The following DNAH14 variants were observed in gnomAD, a reference collection of about 807,000 sequenced individuals.
DNAH14 encodes dynein axonemal heavy chain 14.
Under a neutral mutation model 520.9 loss-of-function variants are expected in DNAH14, and 478 were observed. That is an observed-to-expected ratio of 0.92 (90% CI 0.85 to 0.99). The LOEUF is 0.99. Ranked by LOEUF, DNAH14 falls within the 50% of genes least tolerant of loss-of-function variation. The probability of loss-of-function intolerance (pLI) is 0.00; values close to 1 mark genes in which losing one functional copy is unlikely to be tolerated. For missense variants in DNAH14, 4,831 were observed against 5,234.5 expected (o/e 0.92, Z 2.38); for synonymous variants, 1,581 against 1,757.2 (o/e 0.90, Z 2.51).
intron 1 of DNAH14, among the ~76,000 whole-genome samples, chr1:224,947,217 C>T (rs1300813208): frequency 6.6e-6 from 1 of 152,120 alleles, no homozygotes; most frequent in African/African-American, 2.4e-5. Flanking sequence ...CGCACCCAAC[C>T]TCATCTACAT....
At chr1:225,209,634 G>A (rs74147164) in intron 41 of DNAH14, among the ~76,000 whole-genome samples, 2,792 of 152,228 alleles carry the variant, frequency 0.018, 96 homozygotes, top group African/African-American at 0.063. Flanking sequence ...GAAGATGAAC[G>A]CAAGATTTGT....
intron 27 of DNAH14, among the ~76,000 whole-genome samples, chr1:225,124,883 A>G (rs1165757146): frequency 2.6e-5 from 4 of 152,192 alleles, no homozygotes; most frequent in African/African-American, 9.6e-5. Flanking sequence ...CTTAAATAAT[A>G]AGCCTTGAAA....
intron 31 of DNAH14, 86 bp from the exon 32 acceptor site, chr1:225,151,919 A>G (rs2080537851): frequency 8.9e-7 from 1 of 1,119,582 alleles, no homozygotes; most frequent in East Asian, 2.6e-5. Context: ...CACAGCCTTA[A>G]TAAAGCTTCC....
intron 69 of DNAH14, among the ~76,000 whole-genome samples, chr1:225,343,065 T>C (rs1245569413): frequency 6.6e-6 from 1 of 152,200 alleles, no homozygotes; most frequent in Admixed American, 6.5e-5. Context: ...GTTCCCACAT[T>C]GTAGTTACAA....
intron 17 of DNAH14, among the ~76,000 whole-genome samples, chr1:225,073,285 G>A (rs534185108): frequency 7.2e-5 from 11 of 151,938 alleles, no homozygotes; most frequent in African/African-American, 1.2e-4. Context: ...TCTAAAGCCC[G>A]AAGGCTGGTA....
chr1:225,318,976 A>T (rs897015263), intron 61 of DNAH14, among the ~76,000 whole-genome samples: 1 of 152,208 alleles, frequency 6.6e-6, no homozygotes, highest in Non-Finnish European at 1.5e-5. Flanking sequence ...ACTGAATCTC[A>T]GTCTCTTTGA....
chr1:224,935,179 A>G (rs1258112700), intron 1 of DNAH14, among the ~76,000 whole-genome samples: 2 of 151,998 alleles, frequency 1.3e-5, no homozygotes, highest in Admixed American at 1.3e-4. Flanking sequence ...AAATAAAGGA[A>G]CAAAGAATAT....
chr1:225,014,691 ATGTG>A (rs1170406201), intron 10 of DNAH14, among the ~76,000 whole-genome samples: 2 of 152,180 alleles, frequency 1.3e-5, no homozygotes, highest in Non-Finnish European at 2.9e-5. Context: ...AATTTCTGAA[ATGTG>A]TTGAGACTTG....
intron 69 of DNAH14, among the ~76,000 whole-genome samples, chr1:225,344,700 T>TTTACTTAC (rs141871038): frequency 1.5e-4 from 11 of 74,994 alleles, no homozygotes; most frequent in African/African-American, 4.6e-4. Flanking sequence ...CTTTTATTTA[T>TTTACTTAC]TTATTTATTT....
chr1:225,207,150 C>A lies in DNAH14; in HGVS notation c.6369C>A (p.Val2123=), dbSNP rs754189531. 1.3e-6 allele frequency: 2 copies of A among 1,547,892 alleles called. No homozygotes were observed. Among genetic ancestry groups the A allele is most frequent in the African/African-American group, 1.4e-5 (1 of 73,004 alleles). ...FQPYPMEDIT[V]VITLCRILDA... ...CATATCCTATGGAGGACATAACAGTCGTCATAACCCTCTGCAGAATTCTTG... is the reference window on the plus strand; with the variant it reads ...CATATCCTATGGAGGACATAACAGTAGTCATAACCCTCTGCAGAATTCTTG... Residue 2123 remains valine, a synonymous_variant, in exon 41 of 86, where the codon GTC becomes GTA. Coordinates refer to ENST00000682510, the MANE Select transcript of DNAH14 (RefSeq NM_001367479.1).
At chr1:225,275,431 G>GTCT in intron 52 of DNAH14, among the ~76,000 whole-genome samples, 1 of 152,190 alleles carries the variant, frequency 6.6e-6, no homozygotes, top group Non-Finnish European at 1.5e-5. Flanking sequence ...GAGGGAGATG[G>GTCT]TCAGACTTCA....
At chr1:225,303,423 A>G in intron 57 of DNAH14, 76 bp downstream of exon 57, 1 of 1,305,620 alleles carries the variant, frequency 7.7e-7, no homozygotes, top group Non-Finnish European at 1.0e-6. Context: ...AGAGCAACAA[A>G]CCCTAGATGG....
intron 19 of DNAH14, among the ~76,000 whole-genome samples, chr1:225,081,678 A>T (rs527459394): frequency 1.6e-4 from 24 of 152,292 alleles, no homozygotes; most frequent in Non-Finnish European, 2.8e-4. Context: ...CCCCATATAT[A>T]CAAATTGGTT....
chr1:225,369,532 A>G (rs1371115813), intron 77 of DNAH14, among the ~76,000 whole-genome samples: 2 of 152,042 alleles, frequency 1.3e-5, no homozygotes, highest in African/African-American at 2.4e-5. Flanking sequence ...ATACATGTAC[A>G]TATATATGTA....
At chr1:224,934,817 C>A (rs542023054) in intron 1 of DNAH14, among the ~76,000 whole-genome samples, 2 of 151,892 alleles carry the variant, frequency 1.3e-5, no homozygotes, top group East Asian at 3.9e-4. Flanking sequence ...CCCCATTAGA[C>A]TACTATAGAT....
chr1:225,095,690 C>T lies in DNAH14; in HGVS notation c.3574-1428C>T, dbSNP rs553991448. ...TGAACTATTGATATATGTAACAATA[C>T]GGATCAATCTCAAAATAATTATGCT... On this transcript the variant is annotated intron_variant, in intron 21 of 85. Coordinates refer to ENST00000682510, the MANE Select transcript of DNAH14 (RefSeq NM_001367479.1). Among the ~76,000 whole-genome samples the T allele has an allele frequency of 1.3e-4, 20 of 152,210 alleles. No individual in the cohort carries two copies. The East Asian group carries it at 2.5e-3, about 19-fold the overall frequency.
chr1:225,321,476 TGGTA>T lies in DNAH14; in HGVS notation c.9336-1187_9336-1184del, dbSNP rs545102826. Among the ~76,000 whole-genome samples the T allele has an allele frequency of 1.5e-3, 223 of 152,348 alleles. 1 individual carries two copies. Among genetic ancestry groups the T allele is most frequent in the Admixed American group, 2.9e-3 (44 of 15,308 alleles). On this transcript the variant is annotated intron_variant, in intron 61 of 85. Coordinates refer to ENST00000682510, the MANE Select transcript of DNAH14 (RefSeq NM_001367479.1). ...TGAAATTCAAGGCAGAGGACCTTCT[TGGTA>T]AGCCCTGTGGATAATGTCATGCATA... is the stretch of plus-strand genomic sequence containing the variant.
At chr1:225,270,649 T>C (rs2093288375) in intron 49 of DNAH14, 86 bp from the exon 50 acceptor site, 2 of 1,154,638 alleles carry the variant, frequency 1.7e-6, no homozygotes, top group Non-Finnish European at 1.2e-6. Flanking sequence ...TTTAAATGTT[T>C]TGTCCAATTT....
chr1:225,090,487 C>G (rs992274767), intron 21 of DNAH14, among the ~76,000 whole-genome samples: 1 of 152,056 alleles, frequency 6.6e-6, no homozygotes, highest in African/African-American at 2.4e-5. Context: ...TTCAGAGGCT[C>G]ATTATAAGGC....
Sources: gnomAD v4.1 joint callset for allele counts (sites outside exome capture counted in the v4.1 genomes callset) on GRCh38, gnomAD v4.1.1 for gene constraint, MANE v1.5 for transcripts, NCBI Gene and HGNC (gene_info 2026-07-23, HGNC 2026-07-21) for gene names.